Variants in SLC25A13 observed in about 807,000 individuals in gnomAD.
SLC25A13 encodes electrogenic aspartate/glutamate antiporter SLC25A13, mitochondrial.
SLC25A13 carries 70 observed loss-of-function variants against 85.5 expected under a neutral mutation model. The ratio of observed to expected loss-of-function variants is 0.82; its 90% CI spans 0.68 to 1.00. The LOEUF is 1.00. SLC25A13 is among the 50% of genes least tolerant of loss of function. The pLI, the probability that SLC25A13 is intolerant of heterozygous loss-of-function variation, is 0.00. For synonymous variants in SLC25A13, 259 were observed against 288.7 expected (o/e 0.90, Z 1.04); for missense variants, 765 against 819.8 (o/e 0.93, Z 0.82).
At chr7:96,182,057 T>C (rs1794439358) in intron 11 of SLC25A13, among the ~76,000 whole-genome samples, 2 of 152,200 alleles carry the variant, frequency 1.3e-5, no homozygotes, top group South Asian at 4.1e-4. Context: ...GTTACCTACA[T>C]TTTCATCTGA....
intron 1 of SLC25A13, among the ~76,000 whole-genome samples, chr7:96,312,408 T>C (rs890976293): frequency 9.9e-5 from 15 of 152,198 alleles, no homozygotes; most frequent in Admixed American, 9.8e-4. Context: ...GCTAATATTA[T>C]TATTATTATT....
intron 15 of SLC25A13, among the ~76,000 whole-genome samples, chr7:96,127,384 C>T (rs867020194): frequency 1.3e-5 from 2 of 152,078 alleles, no homozygotes; most frequent in East Asian, 1.9e-4. Flanking sequence ...TGTGAAATAA[C>T]GGAGTAGATG....
At chr7:96,216,862 T>G (rs1795919309) in intron 4 of SLC25A13, among the ~76,000 whole-genome samples, 1 of 151,886 alleles carries the variant, frequency 6.6e-6, no homozygotes, top group Admixed American at 6.6e-5. Flanking sequence ...AGTTTACCTA[T>G]ATAATGAACC....
chr7:96,227,499 G>C (rs1350244105), intron 4 of SLC25A13, among the ~76,000 whole-genome samples: 2 of 152,118 alleles, frequency 1.3e-5, no homozygotes, highest in Non-Finnish European at 2.9e-5. Flanking sequence ...TAATCTTAAA[G>C]AATAAAGTTG....
rs74456548 is a variant in SLC25A13, at chr7:96,246,848, A to C, written c.213-11931T>G. ...CCCAGGCTTGAGCCAGAATATCACA[A>C]AAAAAAGCCAACATTAATATCTGCT... is the stretch of plus-strand genomic sequence containing the variant. On this transcript the variant is annotated intron_variant, in intron 3 of 17. Transcript: ENST00000265631. Among the ~76,000 whole-genome samples the C allele has an allele frequency of 9.6e-3, 1,469 of 152,314 alleles. 19 individuals are homozygous for C. The highest frequency in any genetic ancestry group is 0.033 in the African/African-American group (1,367 of 41,574).
rs965870900 is a variant in SLC25A13 at position 96,181,373 on chromosome 7, T to G, written c.1177+2904A>C. 4.6e-5 allele frequency among the ~76,000 whole-genome samples: 7 copies of G among 152,282 alleles called. 1 individual carries two copies. The highest frequency in any genetic ancestry group is 1.0e-4 in the Non-Finnish European group (7 of 68,014). On this transcript the variant is annotated intron_variant, in intron 11 of 17. Coordinates refer to ENST00000265631, the MANE Select transcript of SLC25A13 (RefSeq NM_014251.3). ...ACTACCAAGCAACTTCCACAACTAT[T>G]CTGATGCAGCCAGCTGCGGGGGAGG... is the stretch of plus-strand genomic sequence containing the variant.
intron 3 of SLC25A13, among the ~76,000 whole-genome samples, chr7:96,250,885 G>A (rs1284077852): frequency 6.6e-6 from 1 of 152,126 alleles, no homozygotes. Flanking sequence ...CCTCACATGT[G>A]CATGGAACAT....
intron 7 of SLC25A13, 93 bp from the exon 8 acceptor site, chr7:96,189,767 CA>C: frequency 9.8e-7 from 1 of 1,021,478 alleles, no homozygotes. Flanking sequence ...GTGAACATCA[CA>C]AAACTTTATT....
At chr7:96,166,050 T>C (rs897826879) in intron 13 of SLC25A13, among the ~76,000 whole-genome samples, 1 of 152,230 alleles carries the variant, frequency 6.6e-6, no homozygotes, top group African/African-American at 2.4e-5. Flanking sequence ...TACTTATTTA[T>C]AGGGGAGTGT....
chr7:96,156,485 T>C (rs1294639571), intron 13 of SLC25A13, among the ~76,000 whole-genome samples: 1 of 151,152 alleles, frequency 6.6e-6, no homozygotes, highest in Non-Finnish European at 1.5e-5. Flanking sequence ...AGAATCTCCG[T>C]CTGTCGCCCA....
chr7:96,217,623 C>G (rs1795944187), intron 4 of SLC25A13, among the ~76,000 whole-genome samples: 1 of 152,032 alleles, frequency 6.6e-6, no homozygotes, highest in African/African-American at 2.4e-5. Flanking sequence ...TAAAAGAAAC[C>G]AATCATGAAA....
At chr7:96,190,411 AT>A (rs1439699404) in intron 7 of SLC25A13, among the ~76,000 whole-genome samples, 1 of 151,606 alleles carries the variant, frequency 6.6e-6, no homozygotes, top group East Asian at 1.9e-4. Context: ...TCTTAATCCC[AT>A]TACAATGCTG....
chr7:96,314,887 G>A (rs1800075120), intron 1 of SLC25A13, among the ~76,000 whole-genome samples: 1 of 152,148 alleles, frequency 6.6e-6, no homozygotes, highest in South Asian at 2.1e-4. Flanking sequence ...CCCTCTATTT[G>A]CTGTGAAGCC....
At chr7:96,125,628 A>G (rs1791692927) in intron 15 of SLC25A13, among the ~76,000 whole-genome samples, 1 of 151,964 alleles carries the variant, frequency 6.6e-6, no homozygotes, top group Non-Finnish European at 1.5e-5. Context: ...CCTTTTCCTT[A>G]TTACTTTTCC....
At chr7:96,258,923 C>T (rs913442989) in intron 3 of SLC25A13, among the ~76,000 whole-genome samples, 1 of 152,108 alleles carries the variant, frequency 6.6e-6, no homozygotes, top group Non-Finnish European at 1.5e-5. Context: ...CATCTACAAC[C>T]ATCTGATCTT....
At chr7:96,158,686 C>T (rs944851122) in intron 13 of SLC25A13, among the ~76,000 whole-genome samples, 1 of 152,190 alleles carries the variant, frequency 6.6e-6, no homozygotes, top group African/African-American at 2.4e-5. Context: ...ATAGAATAGA[C>T]TTTTACTTAA....
chr7:96,157,584 A>C (rs1584386971), intron 13 of SLC25A13, among the ~76,000 whole-genome samples: 1 of 152,270 alleles, frequency 6.6e-6, no homozygotes, highest in South Asian at 2.1e-4. Flanking sequence ...CAAGTGGATC[A>C]CTTGAGGTCA....
chr7:96,316,685 T>C (rs1007159026), intron 1 of SLC25A13, among the ~76,000 whole-genome samples: 2 of 152,222 alleles, frequency 1.3e-5, no homozygotes, highest in Admixed American at 6.5e-5. Context: ...CACCTACTTC[T>C]TAGAATTAAG....
intron 3 of SLC25A13, among the ~76,000 whole-genome samples, chr7:96,236,549 C>A: frequency 6.6e-6 from 1 of 152,154 alleles, no homozygotes; most frequent in Non-Finnish European, 1.5e-5. Flanking sequence ...ATTTGAAGAA[C>A]AAATTTTAAA....
Sources: allele counts gnomAD v4.1 joint callset (sites outside exome capture counted in the v4.1 genomes callset), GRCh38; gene constraint gnomAD v4.1.1; transcripts MANE v1.5; gene names NCBI Gene and HGNC (gene_info 2026-07-23, HGNC 2026-07-21).